MARCHF1: variants seen among roughly 807,000 people sequenced by gnomAD.
MARCHF1 encodes the protein membrane associated ring-CH-type finger 1.
In MARCHF1, 40 loss-of-function variants were observed where a neutral mutation model predicts 54.2. The observed-to-expected ratio is 0.74, with a 90% CI of 0.57 to 0.96. The LOEUF (loss-of-function observed/expected upper bound fraction) is 0.96, where lower values mean the gene tolerates loss of function less well. MARCHF1 is among the 40% of genes least tolerant of loss of function. MARCHF1 has a pLI of 0.00. For missense variants in MARCHF1, 586 were observed against 656.5 expected (o/e 0.89, Z 1.17); for synonymous variants, 236 against 236.3 (o/e 1.00, Z 0.01).
chr4:164,340,365 C>T (rs1350632800), intron 1 of MARCHF1, among the ~76,000 whole-genome samples: 3 of 140,156 alleles, frequency 2.1e-5, no homozygotes, highest in African/African-American at 5.1e-5. Flanking sequence ...CTCAGCCCCC[C>T]GAGTAGCTGA....
intron 1 of MARCHF1, among the ~76,000 whole-genome samples, chr4:164,335,822 C>T (rs1291934738): frequency 6.6e-6 from 1 of 152,086 alleles, no homozygotes; most frequent in Middle Eastern, 3.4e-3. Flanking sequence ...CTTTTGTATG[C>T]CCTGGGATGC....
At chr4:164,285,707 C>T (rs1259207471) in intron 1 of MARCHF1, among the ~76,000 whole-genome samples, 1 of 151,710 alleles carries the variant, frequency 6.6e-6, no homozygotes, top group East Asian at 2.0e-4. Flanking sequence ...GTAATCCGCC[C>T]GCCTCAGCCT....
intron 4 of MARCHF1, among the ~76,000 whole-genome samples, chr4:163,825,564 T>C (rs1748826386): frequency 6.6e-6 from 1 of 152,044 alleles, no homozygotes; most frequent in African/African-American, 2.4e-5. Flanking sequence ...CCACCAGCAG[T>C]GTATAAGCAT....
chr4:163,599,517 A>G (rs960809265), intron 7 of MARCHF1, among the ~76,000 whole-genome samples: 1 of 151,794 alleles, frequency 6.6e-6, no homozygotes, highest in African/African-American at 2.4e-5. Flanking sequence ...CACCTCCTTT[A>G]TTTTGCTTTG....
chr4:164,309,129 A>G (rs1734775635), intron 1 of MARCHF1, among the ~76,000 whole-genome samples: 1 of 152,148 alleles, frequency 6.6e-6, no homozygotes, highest in African/African-American at 2.4e-5. Flanking sequence ...CAGTATAAAA[A>G]TATAGAATTA....
rs541281320 is a variant in MARCHF1 at position 164,239,501 on chromosome 4, T to A, written c.-322-127839A>T. On this transcript the variant is annotated intron_variant, in intron 1 of 9. Coordinates refer to ENST00000514618, the MANE Select transcript of MARCHF1 (RefSeq NM_001394959.1). ...TAGAGATCTTCCTAATCATGTGGTTTGACATGATTATAGTCAGATAGTCCT... is the reference window on the plus strand; with the variant it reads ...TAGAGATCTTCCTAATCATGTGGTTAGACATGATTATAGTCAGATAGTCCT... Among the ~76,000 whole-genome samples, 575 of 152,284 alleles carry A rather than the reference T, an allele frequency of 3.8e-3. 4 individuals carry two copies. The highest frequency in any genetic ancestry group is 0.013 in the African/African-American group (543 of 41,578).
chr4:163,913,137 C>A (rs1751231402), intron 3 of MARCHF1, among the ~76,000 whole-genome samples: 1 of 152,156 alleles, frequency 6.6e-6, no homozygotes, highest in Non-Finnish European at 1.5e-5. Context: ...AGAAACATGG[C>A]AGGTCTTATG....
At chr4:164,238,962 C>T (rs2111201285) in intron 1 of MARCHF1, among the ~76,000 whole-genome samples, 1 of 152,070 alleles carries the variant, frequency 6.6e-6, no homozygotes, top group South Asian at 2.1e-4. Flanking sequence ...TTCTGTTTTA[C>T]TAGAGTTAGG....
chr4:164,124,454 C>T (rs1246004910), intron 1 of MARCHF1, among the ~76,000 whole-genome samples: 1 of 152,058 alleles, frequency 6.6e-6, no homozygotes, highest in Admixed American at 6.6e-5. Context: ...AGAAAATCAG[C>T]ATGTGGAAGA....
chr4:163,712,046 T>C (rs1409614189), intron 4 of MARCHF1, among the ~76,000 whole-genome samples: 1 of 152,194 alleles, frequency 6.6e-6, no homozygotes, highest in Admixed American at 6.5e-5. Flanking sequence ...CAAACCACTT[T>C]CTGTATAAGA....
At chr4:164,199,712 A>AGAGAGAGAGG (rs1296813554) in intron 1 of MARCHF1, among the ~76,000 whole-genome samples, 1 of 137,044 alleles carries the variant, frequency 7.3e-6, no homozygotes, top group African/African-American at 2.8e-5. Context: ...AGAGAGAGAG[A>AGAGAGAGAGG]AGAGAGGAGA....
At chr4:163,578,800 C>T (rs1005018385) in intron 8 of MARCHF1, among the ~76,000 whole-genome samples, 1 of 152,056 alleles carries the variant, frequency 6.6e-6, no homozygotes, top group African/African-American at 2.4e-5. Context: ...TATATGCTCC[C>T]CAAGGGTAGG....
intron 4 of MARCHF1, among the ~76,000 whole-genome samples, chr4:163,771,194 A>T (rs773186490): frequency 4.6e-5 from 7 of 152,174 alleles, no homozygotes; most frequent in African/African-American, 9.7e-5. Context: ...TTGTGGTGTC[A>T]TCCCTCAGGG....
At chr4:164,071,797 A>C (rs1029364231) in intron 2 of MARCHF1, among the ~76,000 whole-genome samples, 22 of 152,144 alleles carry the variant, frequency 1.4e-4, no homozygotes, top group African/African-American at 5.3e-4. Flanking sequence ...CTGTAAGTAT[A>C]CACTTACCAC....
At chr4:164,010,944 C>T (rs1302352297) in intron 2 of MARCHF1, among the ~76,000 whole-genome samples, 1 of 152,048 alleles carries the variant, frequency 6.6e-6, no homozygotes, top group African/African-American at 2.4e-5. Context: ...ATGGAAAACC[C>T]AGATATAAAT....
intron 1 of MARCHF1, among the ~76,000 whole-genome samples, chr4:164,273,414 G>A (rs1733792376): frequency 6.6e-6 from 1 of 152,028 alleles, no homozygotes; most frequent in South Asian, 2.1e-4. Context: ...GGATTATGGG[G>A]GCTATGGGGA....
intron 2 of MARCHF1, among the ~76,000 whole-genome samples, chr4:164,027,023 A>G (rs1753784147): frequency 6.6e-6 from 1 of 151,968 alleles, no homozygotes; most frequent in Non-Finnish European, 1.5e-5. Flanking sequence ...TAATATGTCT[A>G]AAGGAAGTGA....
chr4:164,012,573 G>T lies in MARCHF1; in HGVS notation c.-247-23864C>A, dbSNP rs1022140267. Among the ~76,000 whole-genome samples, 21 of 151,890 alleles carry T rather than the reference G, an allele frequency of 1.4e-4. 1 individual carries two copies. The highest frequency in any genetic ancestry group is 1.5e-5 in the Non-Finnish European group (1 of 67,968). On this transcript the variant is annotated intron_variant, in intron 2 of 9. Coordinates refer to ENST00000514618, the MANE Select transcript of MARCHF1 (RefSeq NM_001394959.1). ...GCAATTGTGGCCACAGGCTTTGGGT[G>T]AGTCCCAGTATTTTGCTGCTCTGTA...
intron 4 of MARCHF1, among the ~76,000 whole-genome samples, chr4:163,846,577 A>C (rs1749490750): frequency 1.3e-5 from 2 of 152,150 alleles, no homozygotes; most frequent in African/African-American, 4.8e-5. Flanking sequence ...TGTCATATGC[A>C]TTGGGGAAAC....
Sources: allele counts gnomAD v4.1 joint callset (sites outside exome capture counted in the v4.1 genomes callset), GRCh38; gene constraint gnomAD v4.1.1; transcripts MANE v1.5; gene names NCBI Gene and HGNC (gene_info 2026-07-23, HGNC 2026-07-21).